The following ZNF516 variants were observed in gnomAD, a reference collection of about 807,000 sequenced individuals.
The protein encoded by ZNF516 is zinc finger protein 516.
A neutral mutation model predicts 79.7 loss-of-function variants in ZNF516; 19 were observed. That is an observed-to-expected ratio of 0.24 (90% CI 0.17 to 0.35). The LOEUF is 0.35. ZNF516 is among the 10% of genes least tolerant of loss of function. The pLI, the probability that ZNF516 is intolerant of heterozygous loss-of-function variation, is 1.00. For synonymous variants in ZNF516, 877 were observed against 739.5 expected, an observed-to-expected ratio of 1.19 and a Z score of -3.02; for missense variants, 1,678 against 1,679.5, an observed-to-expected ratio of 1.00 and a Z score of 0.02.
chr18:76,478,311 A>T (rs964556244), intron 1 of ZNF516, among the ~76,000 whole-genome samples: 1 of 152,222 alleles, frequency 6.6e-6, no homozygotes, highest in Non-Finnish European at 1.5e-5. Context: ...GTATGAAATA[A>T]ATCAACTTTG....
At chr18:76,483,703 T>C (rs895332921) in intron 1 of ZNF516, among the ~76,000 whole-genome samples, 1 of 152,214 alleles carries the variant, frequency 6.6e-6, no homozygotes, top group African/African-American at 2.4e-5. Flanking sequence ...ATTTTCTATA[T>C]CCCACGTTGG....
chr18:76,491,695 T>TCCCCCCCCGACCCGC (rs1915234722), intron 1 of ZNF516: 1 of 130,876 alleles, frequency 7.6e-6, no homozygotes, highest in African/African-American at 3.4e-5. Context: ...GGCAGGTGAG[T>TCCCCCCCCGACCCGC]CCCCCCCCGA....
intron 2 of ZNF516, among the ~76,000 whole-genome samples, chr18:76,457,555 T>A (rs544398572): frequency 6.6e-6 from 1 of 152,134 alleles, no homozygotes; most frequent in East Asian, 1.9e-4. Context: ...ATATAAAGAT[T>A]AAAAAATACA....
chr18:76,485,682 T>A (rs971892024), intron 1 of ZNF516, among the ~76,000 whole-genome samples: 1 of 152,098 alleles, frequency 6.6e-6, no homozygotes, highest in Non-Finnish European at 1.5e-5. Context: ...TCCTGCAACA[T>A]GGCATAAGAG....
rs2074523511 is a variant in ZNF516, at chr18:76,360,706, G to T, written c.*1792C>A. On this transcript the variant is annotated 3_prime_UTR_variant, in exon 7 of 7. Coordinates refer to ENST00000443185, the MANE Select transcript of ZNF516 (RefSeq NM_014643.4). ...GCTAGCCAGTTACATTGCATCGTTT[G>T]AAAGTGTTGCAAAGTAACCTGAACC... 7.8e-6 allele frequency: 1 copy of T among 128,978 alleles called. No homozygotes were observed. The highest frequency in any genetic ancestry group is 2.5e-4 in the South Asian group (1 of 4,046). The allele number at this position is 128,978 out of a possible 1,614,324, so 8.0% of individuals were successfully genotyped here.
chr18:76,456,885 T>C (rs1465337564), intron 2 of ZNF516, among the ~76,000 whole-genome samples: 1 of 152,238 alleles, frequency 6.6e-6, no homozygotes, highest in Non-Finnish European at 1.5e-5. Context: ...CTCTGAGTTT[T>C]GTTGTTTTCC....
intron 5 of ZNF516, 44 bp from the exon 6 acceptor site, chr18:76,370,639 C>T: frequency 6.6e-7 from 1 of 1,515,592 alleles, no homozygotes. Context: ...GTGTGAGCTT[C>T]CGGACGTGCA....
At chr18:76,435,730 G>A (rs534359622) in intron 3 of ZNF516, among the ~76,000 whole-genome samples, 4 of 152,330 alleles carry the variant, frequency 2.6e-5, no homozygotes, top group South Asian at 2.1e-4. Flanking sequence ...GTAAAGTCAC[G>A]GAGGATGTCT....
At chr18:76,490,711 G>A (rs930438816) in intron 1 of ZNF516, 1 of 942,560 alleles carries the variant, frequency 1.1e-6, no homozygotes, top group Non-Finnish European at 1.3e-6. Flanking sequence ...TGCATGGCAG[G>A]CTGACGGGGG....
At position 76,359,498 on chromosome 18, in the gene ZNF516, AT is replaced by A. The variant is rs1321310507; in HGVS notation, c.*2999del. On this transcript the variant is annotated 3_prime_UTR_variant, in exon 7 of 7. Coordinates refer to ENST00000443185, the MANE Select transcript of ZNF516 (RefSeq NM_014643.4). ...GAATACAAGTGAACAACCTGAAAAG[AT>A]TTTTAGAAGCTCATTAGCTGTGTGT... 2.3e-4 allele frequency: 35 copies of A among 152,308 alleles called. No homozygotes were observed. The highest frequency in any genetic ancestry group is 2.0e-3 in the Admixed American group (30 of 15,302). 9.4% of individuals were successfully genotyped at this position (152,308 alleles called of 1,614,324 possible).
chr18:76,422,422 C>T (rs1461293769), intron 3 of ZNF516, among the ~76,000 whole-genome samples: 1 of 152,224 alleles, frequency 6.6e-6, no homozygotes, highest in African/African-American at 2.4e-5. Flanking sequence ...CGTGACTGCC[C>T]TAACTTTCCG....
intron 1 of ZNF516, among the ~76,000 whole-genome samples, chr18:76,472,037 A>T (rs1346620666): frequency 6.6e-6 from 1 of 152,004 alleles, no homozygotes; most frequent in Non-Finnish European, 1.5e-5. Flanking sequence ...GAATCACGGC[A>T]CTCTGCTCCA....
intron 1 of ZNF516, among the ~76,000 whole-genome samples, chr18:76,479,750 G>C (rs1914391194): frequency 6.6e-6 from 1 of 152,228 alleles, no homozygotes; most frequent in Non-Finnish European, 1.5e-5. Context: ...GTGTGCAGAG[G>C]GGCAGACATT....
chr18:76,463,743 G>A lies in ZNF516; in HGVS notation c.-271-602C>T, dbSNP rs79949916. Among the ~76,000 whole-genome samples, 725 of 152,306 alleles carry A rather than the reference G, an allele frequency of 4.8e-3. 13 individuals are homozygous for A. Among genetic ancestry groups the A allele is most frequent in the African/African-American group, 0.016 (648 of 41,578 alleles). ...GTGTCCCACTTATACCTGGGACCAC[G>A]GAATCCCCAGATGTTTCAGGGTGTG... On this transcript the variant is annotated intron_variant, in intron 1 of 6. Transcript: ENST00000443185.
At chr18:76,485,495 A>G (rs6650695) in intron 1 of ZNF516, among the ~76,000 whole-genome samples, 80,314 of 152,086 alleles carry the variant, frequency 0.53, 23,488 homozygotes, top group Non-Finnish European at 0.64. Flanking sequence ...GTGTGGATGA[A>G]TAGAAATTTG....
chr18:76,480,242 G>A (rs977353409), intron 1 of ZNF516, among the ~76,000 whole-genome samples: 6 of 150,932 alleles, frequency 4.0e-5, no homozygotes, highest in Non-Finnish European at 8.8e-5. Context: ...TTTGGATTTT[G>A]GATATACTGG....
At chr18:76,483,731 T>C (rs1450256712) in intron 1 of ZNF516, among the ~76,000 whole-genome samples, 2 of 152,170 alleles carry the variant, frequency 1.3e-5, no homozygotes, top group African/African-American at 4.8e-5. Context: ...CACTCTGTAT[T>C]TACTCTCTTA....
rs369475982 is a variant in ZNF516 at position 76,480,138 on chromosome 18, T to C, written c.-272+15006A>G. Among the ~76,000 whole-genome samples the C allele has an allele frequency of 1.4e-4, 16 of 113,264 alleles. No homozygotes were observed. The South Asian group carries it at 4.3e-3, about 31-fold the overall frequency. 74.3% of individuals were successfully genotyped at this position (113,264 alleles called of 152,430 possible). A position where few individuals can be genotyped will look rare whatever the true frequency, so the allele number is the denominator to read the frequency against. On this transcript the variant is annotated intron_variant, in intron 1 of 6. Coordinates refer to ENST00000443185, the MANE Select transcript of ZNF516 (RefSeq NM_014643.4). ...ATGGGCTGGGAAGGTAAAATGCACA[T>C]GGGGCACTGAAGATTTTGTGTAAAA... is the stretch of plus-strand genomic sequence containing the variant.
intron 2 of ZNF516, among the ~76,000 whole-genome samples, chr18:76,457,763 A>G (rs1009736935): frequency 6.6e-6 from 1 of 152,206 alleles, no homozygotes; most frequent in Admixed American, 6.5e-5. Flanking sequence ...CCCACCACTG[A>G]CTTGGGTCTC....
Sources: allele counts gnomAD v4.1 joint callset (sites outside exome capture counted in the v4.1 genomes callset), GRCh38; gene constraint gnomAD v4.1.1; transcripts MANE v1.5; gene names NCBI Gene and HGNC (gene_info 2026-07-23, HGNC 2026-07-21).